PRMT8: variants seen among roughly 807,000 people sequenced by gnomAD.
PRMT8 encodes protein arginine methyltransferase 8.
PRMT8 carries 7 observed loss-of-function variants against 47.1 expected under a neutral mutation model. That is an observed-to-expected ratio of 0.15 (90% CI 0.08 to 0.28). The LOEUF (loss-of-function observed/expected upper bound fraction) is 0.28, where lower values mean the gene tolerates loss of function less well. Among genes scored for constraint, PRMT8 ranks in the 10% least tolerant of loss-of-function variants. The pLI is 1.00. For synonymous variants in PRMT8, 188 were observed against 186.5 expected, an observed-to-expected ratio of 1.01 and a Z score of -0.07; for missense variants, 237 against 505.4, an observed-to-expected ratio of 0.47 and a Z score of 5.09.
chr12:3,459,191 A>G (rs1170802874), intron 1 of PRMT8, among the ~76,000 whole-genome samples: 1 of 152,138 alleles, frequency 6.6e-6, no homozygotes, highest in African/African-American at 2.4e-5. Context: ...TTCTGGGTAA[A>G]GTTACCAGAC....
chr12:3,431,946 T>C (rs1273753179), intron 1 of PRMT8, among the ~76,000 whole-genome samples: 1 of 152,160 alleles, frequency 6.6e-6, no homozygotes, highest in Non-Finnish European at 1.5e-5. Context: ...CGGCAGGCAG[T>C]GAGGGCATTA....
intron 1 of PRMT8, among the ~76,000 whole-genome samples, chr12:3,432,724 A>G (rs1864695011): frequency 6.6e-6 from 1 of 152,126 alleles, no homozygotes; most frequent in Non-Finnish European, 1.5e-5. Flanking sequence ...TGTGACCCAA[A>G]TTGTTCTCTA....
chr12:3,513,484 A>T (rs766134094), intron 1 of PRMT8, among the ~76,000 whole-genome samples: 3 of 152,184 alleles, frequency 2.0e-5, no homozygotes, highest in Non-Finnish European at 2.9e-5. Context: ...CTGCGTAATG[A>T]CATCTTACCT....
intron 1 of PRMT8, among the ~76,000 whole-genome samples, chr12:3,473,902 T>G (rs1369751272): frequency 1.3e-5 from 2 of 152,192 alleles, no homozygotes; most frequent in Non-Finnish European, 2.9e-5. Flanking sequence ...CATTGTCCCG[T>G]CTGCCCACCT....
intron 9 of PRMT8, among the ~76,000 whole-genome samples, chr12:3,592,863 C>T (rs1007386171): frequency 6.6e-6 from 1 of 152,176 alleles, no homozygotes; most frequent in Non-Finnish European, 1.5e-5. Context: ...GAACTCGGAA[C>T]GTTTTGTTAT....
intron 1 of PRMT8, among the ~76,000 whole-genome samples, chr12:3,512,537 C>G (rs1865729052): frequency 6.6e-6 from 1 of 152,166 alleles, no homozygotes; most frequent in South Asian, 2.1e-4. Context: ...AGCCAGAAGT[C>G]AGGAATCAGA....
At position 3,535,943 on chromosome 12, in the gene PRMT8, T is replaced by A. The variant is rs1866109571; in HGVS notation, c.76-4663T>A. 2.0e-5 allele frequency among the ~76,000 whole-genome samples: 3 copies of A among 152,144 alleles called. No individual in the cohort carries two copies. Reference sequence around the variant, plus strand: ...TTAGGGAGGAGTTGAGCCTTCTGACTTTACAGAGGAGACCACTGTCATCCC... The same window carrying A: ...TTAGGGAGGAGTTGAGCCTTCTGACATTACAGAGGAGACCACTGTCATCCC... On this transcript the variant is annotated intron_variant, in intron 1 of 9. Coordinates refer to ENST00000382622, the MANE Select transcript of PRMT8 (RefSeq NM_019854.5). The surrounding 1 kb of genome is among the most constrained non-coding windows in gnomAD (Gnocchi z 4.7).
intron 6 of PRMT8, among the ~76,000 whole-genome samples, chr12:3,574,630 G>A (rs7957814): frequency 0.18 from 27,839 of 152,198 alleles, 2,809 homozygotes; most frequent in Middle Eastern, 0.31. Context: ...TGCACTTTAC[G>A]TATAATCACA....
chr12:3,506,172 G>A (rs569295115), intron 1 of PRMT8, among the ~76,000 whole-genome samples: 12 of 152,324 alleles, frequency 7.9e-5, no homozygotes, highest in African/African-American at 2.6e-4. Flanking sequence ...TTATCTGTGT[G>A]TGGGATTCAT....
At chr12:3,424,988 T>C (rs1864586923) in intron 1 of PRMT8, among the ~76,000 whole-genome samples, 2 of 152,072 alleles carry the variant, frequency 1.3e-5, no homozygotes, top group Admixed American at 1.3e-4. Flanking sequence ...TTTGCAAGGG[T>C]TGGCGAAGCT....
chr12:3,468,338 TG>T (rs1256962041), intron 1 of PRMT8, among the ~76,000 whole-genome samples: 2 of 152,038 alleles, frequency 1.3e-5, no homozygotes, highest in African/African-American at 2.4e-5. Context: ...GAGGAGGAGA[TG>T]TTTGATAGTT....
intron 1 of PRMT8, among the ~76,000 whole-genome samples, chr12:3,388,357 C>T (rs1050954994): frequency 2.0e-5 from 3 of 152,120 alleles, no homozygotes; most frequent in African/African-American, 4.8e-5. Context: ...ATCATCCCAT[C>T]GGGGGCATAA....
Position 3,564,755 on chromosome 12 carries a change from G to A in PRMT8, c.482-3951G>A, listed in dbSNP as rs185895469. ...TTGGGCATGGAGCTCTGCAGCCTAC[G>A]GCTGCTCGGAATCTTAATATCAATA... On this transcript the variant is annotated intron_variant, in intron 4 of 9. Coordinates refer to ENST00000382622, the MANE Select transcript of PRMT8 (RefSeq NM_019854.5). The surrounding 1 kb of genome is among the most constrained non-coding windows in gnomAD (Gnocchi z 4.0). Among the ~76,000 whole-genome samples, 11 of 152,348 alleles carry A rather than the reference G, an allele frequency of 7.2e-5. No homozygotes were observed. The East Asian group carries it at 1.5e-3, about 21-fold the overall frequency.
chr12:3,496,911 C>A (rs1456631331), intron 1 of PRMT8, among the ~76,000 whole-genome samples: 1 of 142,550 alleles, frequency 7.0e-6, no homozygotes, highest in Non-Finnish European at 1.5e-5. Flanking sequence ...AAGAAGATAC[C>A]CAATTTTTTT....
At chr12:3,575,044 G>A (rs1866913411) in intron 6 of PRMT8, among the ~76,000 whole-genome samples, 1 of 152,178 alleles carries the variant, frequency 6.6e-6, no homozygotes, top group Admixed American at 6.5e-5. Context: ...TCCTCCCCAC[G>A]AAGTAGGTTT....
intron 1 of PRMT8, among the ~76,000 whole-genome samples, chr12:3,450,754 G>A (rs1864907561): frequency 6.6e-6 from 1 of 152,118 alleles, no homozygotes; most frequent in Non-Finnish European, 1.5e-5. Context: ...TTGTCACAGA[G>A]ACTATTTTAA....
At chr12:3,512,524 C>T (rs916542882) in intron 1 of PRMT8, among the ~76,000 whole-genome samples, 3 of 152,170 alleles carry the variant, frequency 2.0e-5, no homozygotes, top group Non-Finnish European at 2.9e-5. Context: ...TCCCCTTCAC[C>T]CCAGCCAGAA....
intron 1 of PRMT8, among the ~76,000 whole-genome samples, chr12:3,398,205 TC>T (rs1864281032): frequency 6.6e-6 from 1 of 152,176 alleles, no homozygotes; most frequent in Admixed American, 6.5e-5. Context: ...CTGGAGCTGT[TC>T]CTATTCGGCC....
At chr12:3,491,189 G>C (rs1349258469), upstream of PRMT8, 4 of 991,338 alleles carry the variant, frequency 4.0e-6, no homozygotes, top group Admixed American at 1.8e-4. Flanking sequence ...GGAGAGACGC[G>C]CAGGAAGCGT....
Sources: gnomAD v4.1 joint callset for allele counts (sites outside exome capture counted in the v4.1 genomes callset) on GRCh38, gnomAD v4.1.1 for gene constraint, Gnocchi (gnomAD v3.1) non-coding constraint, MANE v1.5 for transcripts, NCBI Gene and HGNC (gene_info 2026-07-23, HGNC 2026-07-21) for gene names.